The following MSI2 variants were observed in gnomAD, a reference collection of about 807,000 sequenced individuals.
MSI2 encodes the protein musashi RNA binding protein 2.
MSI2 carries 17 observed loss-of-function variants against 45.6 expected under a neutral mutation model. That is an observed-to-expected ratio of 0.37 (90% confidence interval 0.26 to 0.56). MSI2 has a LOEUF of 0.56. MSI2 is among the 20% of genes least tolerant of loss of function. The pLI, the probability that MSI2 is intolerant of heterozygous loss-of-function variation, is 0.77. For missense variants in MSI2, 293 were observed against 444.2 expected, an observed-to-expected ratio of 0.66 and a Z score of 3.06; for synonymous variants, 156 against 158.2, an observed-to-expected ratio of 0.99 and a Z score of 0.11.
chr17:57,299,936 A>G (rs1274935880), intron 5 of MSI2, among the ~76,000 whole-genome samples: 3 of 152,172 alleles, frequency 2.0e-5, no homozygotes, highest in Non-Finnish European at 2.9e-5. Context: ...AGGGCAGATT[A>G]TTTCCTTGCT....
chr17:57,511,599 C>T (rs1050946830), intron 6 of MSI2, among the ~76,000 whole-genome samples: 2 of 151,764 alleles, frequency 1.3e-5, no homozygotes, highest in African/African-American at 4.9e-5. Flanking sequence ...GATGTTGTTT[C>T]CCGGGGTTGA....
chr17:57,305,884 G>A (rs1165490165), intron 5 of MSI2, among the ~76,000 whole-genome samples: 1 of 152,144 alleles, frequency 6.6e-6, no homozygotes, highest in African/African-American at 2.4e-5. Flanking sequence ...TACTAGAAAA[G>A]CATTTCAAAC....
At chr17:57,363,070 T>C (rs1916930828) in intron 5 of MSI2, among the ~76,000 whole-genome samples, 1 of 152,196 alleles carries the variant, frequency 6.6e-6, no homozygotes, top group South Asian at 2.1e-4. Flanking sequence ...CCCACATACA[T>C]TGCAGCATTA....
At chr17:57,477,147 TGTGTGTGTG>T (rs1213895442) in intron 6 of MSI2, among the ~76,000 whole-genome samples, 1 of 8,554 alleles carries the variant, frequency 1.2e-4, no homozygotes, top group Non-Finnish European at 2.4e-4. Flanking sequence ...TAAGGCCTGG[TGTGTGTGTG>T]TGTGTGTGTG....
At chr17:57,462,288 G>A (rs564284864) in intron 6 of MSI2, among the ~76,000 whole-genome samples, 1 of 152,288 alleles carries the variant, frequency 6.6e-6, no homozygotes, top group East Asian at 1.9e-4. Context: ...TCTCTCTGGT[G>A]CCACCTCACC....
At chr17:57,547,526 A>T (rs2087196995) in intron 7 of MSI2, among the ~76,000 whole-genome samples, 1 of 151,958 alleles carries the variant, frequency 6.6e-6, no homozygotes, top group South Asian at 2.1e-4. Flanking sequence ...GTAGATTCTG[A>T]TGGATTGGAA....
chr17:57,668,468 C>T (rs1403524233), intron 11 of MSI2, among the ~76,000 whole-genome samples: 5 of 152,158 alleles, frequency 3.3e-5, no homozygotes, highest in Non-Finnish European at 7.3e-5. Context: ...AACCAGTAGA[C>T]ATTATCAGCA....
chr17:57,515,840 T>C (rs2086459467), intron 6 of MSI2, among the ~76,000 whole-genome samples: 1 of 152,246 alleles, frequency 6.6e-6, no homozygotes, highest in South Asian at 2.1e-4. Flanking sequence ...GTTTGTATTA[T>C]AAACAGATCT....
chr17:57,618,853 T>TA (rs1049153523), intron 9 of MSI2, among the ~76,000 whole-genome samples: 1 of 152,048 alleles, frequency 6.6e-6, no homozygotes, highest in African/African-American at 2.4e-5. Flanking sequence ...CGCTGTCTCT[T>TA]AAAAAAATAA....
intron 5 of MSI2, chr17:57,278,300 C>T (rs1909060554): frequency 6.6e-6 from 1 of 152,358 alleles, no homozygotes; most frequent in Non-Finnish European, 1.5e-5. Context: ...AGAGGCAAGG[C>T]CTGCCCACAA....
intron 5 of MSI2, among the ~76,000 whole-genome samples, chr17:57,319,146 C>T (rs1348263347): frequency 6.6e-6 from 1 of 152,218 alleles, no homozygotes; most frequent in African/African-American, 2.4e-5. Flanking sequence ...CGGGCTGAGA[C>T]AATTGCTTAG....
intron 7 of MSI2, among the ~76,000 whole-genome samples, chr17:57,550,088 G>A (rs2087267918): frequency 1.3e-5 from 2 of 152,254 alleles, no homozygotes; most frequent in African/African-American, 4.8e-5. Context: ...TTAGTTGTCA[G>A]TGAATGCGGT....
chr17:57,302,499 A>T (rs968004870), intron 5 of MSI2, among the ~76,000 whole-genome samples: 1 of 152,202 alleles, frequency 6.6e-6, no homozygotes, highest in African/African-American at 2.4e-5. Context: ...CTTCTTCCCA[A>T]GTGTATTTTT....
At chr17:57,412,871 G>A (rs1398704714) in intron 6 of MSI2, among the ~76,000 whole-genome samples, 2 of 152,184 alleles carry the variant, frequency 1.3e-5, no homozygotes, top group South Asian at 2.1e-4. Context: ...TACTAGCTTG[G>A]TAACCTTGGG....
At chr17:57,495,544 A>AAAAG (rs1422604144) in intron 6 of MSI2, among the ~76,000 whole-genome samples, 5 of 148,268 alleles carry the variant, frequency 3.4e-5, no homozygotes, top group Non-Finnish European at 5.9e-5. Flanking sequence ...AAAAAAAAAA[A>AAAAG]AAAAAAAAGA....
At chr17:57,648,125 G>A (rs1325336012) in intron 10 of MSI2, among the ~76,000 whole-genome samples, 1 of 143,006 alleles carries the variant, frequency 7.0e-6, no homozygotes, top group Non-Finnish European at 1.5e-5. Context: ...ACCATGCCTG[G>A]CTAATTCGTG....
At chr17:57,388,227 C>G (rs1044624689) in intron 5 of MSI2, among the ~76,000 whole-genome samples, 5 of 152,170 alleles carry the variant, frequency 3.3e-5, no homozygotes, top group Admixed American at 1.3e-4. Context: ...TTACTACAAG[C>G]CTTTCTTTGG....
intron 9 of MSI2, among the ~76,000 whole-genome samples, chr17:57,624,780 A>G (rs1908646943): frequency 6.6e-6 from 1 of 152,210 alleles, no homozygotes; most frequent in South Asian, 2.1e-4. Flanking sequence ...GGTCTCACTC[A>G]AGAATTTGGG....
At position 57,529,857 on chromosome 17, in the gene MSI2, G is replaced by C; in HGVS notation, c.454+133G>C. On this transcript the variant is annotated intron_variant, in intron 7 of 13. Coordinates refer to ENST00000284073, the MANE Select transcript of MSI2 (RefSeq NM_138962.4). The surrounding 1 kb of genome is among the most constrained non-coding windows in gnomAD (Gnocchi z 5.3). ...CAGGTAGAGGTGACCATCCATTGAA[G>C]ATCTTTATTCACGGAGAGTCCCAGT... The C allele has an allele frequency of 1.4e-6, 1 of 694,004 alleles. No homozygotes were observed. Among genetic ancestry groups the C allele is most frequent in the South Asian group, 2.1e-5 (1 of 47,242 alleles). 43.0% of individuals were successfully genotyped at this position (694,004 alleles called of 1,614,324 possible).
Sources: allele counts gnomAD v4.1 joint callset (sites outside exome capture counted in the v4.1 genomes callset), GRCh38; gene constraint gnomAD v4.1.1; non-coding constraint Gnocchi (gnomAD v3.1); transcripts MANE v1.5; gene names NCBI Gene and HGNC (gene_info 2026-07-23, HGNC 2026-07-21).